ABI1: variants seen among roughly 807,000 people sequenced by gnomAD.
ABI1 encodes Abelson interactor 1.
ABI1 carries 14 observed loss-of-function variants against 54.6 expected under a neutral mutation model. That is an observed-to-expected ratio of 0.26 (90% CI 0.17 to 0.40). The LOEUF (loss-of-function observed/expected upper bound fraction) is 0.40. Among genes scored for constraint, ABI1 ranks in the 10% least tolerant of loss-of-function variants. The pLI is 1.00. For missense variants in ABI1, 443 were observed against 598.3 expected, an observed-to-expected ratio of 0.74 and a Z score of 2.71; for synonymous variants, 194 against 209.3, an observed-to-expected ratio of 0.93 and a Z score of 0.63.
At chr10:26,823,015 AAC>A (rs932675182) in intron 2 of ABI1, 121 bp downstream of exon 2, 3 of 852,820 alleles carry the variant, frequency 3.5e-6, no homozygotes, top group African/African-American at 3.6e-5. Context: ...ACCAAACTAA[AAC>A]AGTGTTAATG....
chr10:26,770,206 G>C, intron 5 of ABI1, 39 bp downstream of exon 5: 2 of 1,522,328 alleles, frequency 1.3e-6, no homozygotes, highest in South Asian at 2.2e-5. Flanking sequence ...TTTTCCTTTA[G>C]CATATGAATT....
chr10:26,808,418 G>A (rs958759745), intron 2 of ABI1, among the ~76,000 whole-genome samples: 1 of 152,132 alleles, frequency 6.6e-6, no homozygotes, highest in East Asian at 1.9e-4. Context: ...TCACTCAGGG[G>A]TGGGATGGCG....
At chr10:26,809,467 C>T (rs950822632) in intron 2 of ABI1, among the ~76,000 whole-genome samples, 1 of 151,776 alleles carries the variant, frequency 6.6e-6, no homozygotes, top group East Asian at 1.9e-4. Flanking sequence ...GCTGGGTGGG[C>T]GGATCCCTTG....
intron 1 of ABI1, among the ~76,000 whole-genome samples, chr10:26,846,674 C>T (rs946676551): frequency 6.6e-6 from 1 of 151,934 alleles, no homozygotes; most frequent in Non-Finnish European, 1.5e-5. Flanking sequence ...TTCTCATCAG[C>T]CTCAGACAAA....
chr10:26,774,335 T>C (rs978789502), intron 3 of ABI1, among the ~76,000 whole-genome samples: 2 of 152,194 alleles, frequency 1.3e-5, no homozygotes, highest in African/African-American at 4.8e-5. Context: ...GCCAACTACA[T>C]ATGAAAAGTC....
intron 10 of ABI1, among the ~76,000 whole-genome samples, chr10:26,750,526 T>C (rs961893549): frequency 6.6e-6 from 1 of 152,058 alleles, no homozygotes; most frequent in Non-Finnish European, 1.5e-5. Flanking sequence ...GAAAACAAAT[T>C]TACTTTTGCC....
intron 1 of ABI1, among the ~76,000 whole-genome samples, chr10:26,826,405 G>T (rs1461062727): frequency 6.6e-6 from 1 of 152,150 alleles, no homozygotes; most frequent in East Asian, 1.9e-4. Context: ...TGTCATCCAG[G>T]CTTGGTTGTT....
intron 2 of ABI1, among the ~76,000 whole-genome samples, chr10:26,786,789 G>A (rs530335761): frequency 3.3e-5 from 5 of 152,054 alleles, no homozygotes; most frequent in Admixed American, 6.5e-5. Flanking sequence ...ATGACCCCTC[G>A]GCAAACTCAT....
intron 1 of ABI1, among the ~76,000 whole-genome samples, chr10:26,827,591 T>C (rs553179728): frequency 1.6e-5 from 1 of 61,198 alleles, no homozygotes; most frequent in South Asian, 3.3e-4. Context: ...CACTTTCTGT[T>C]TTTTGTTTTT....
chr10:26,781,249 T>C (rs1421393478), intron 2 of ABI1, among the ~76,000 whole-genome samples: 1 of 152,210 alleles, frequency 6.6e-6, no homozygotes, highest in Non-Finnish European at 1.5e-5. Context: ...TCAAATGCAA[T>C]GACTAATAAG....
intron 7 of ABI1, 101 bp from the exon 8 acceptor site, chr10:26,759,339 T>A: frequency 2.1e-6 from 2 of 972,242 alleles, no homozygotes; most frequent in Non-Finnish European, 2.8e-6. Context: ...AAGAAATATT[T>A]ATTACTTTTT....
chr10:26,851,458 T>C (rs867128200), intron 1 of ABI1, among the ~76,000 whole-genome samples: 1 of 141,746 alleles, frequency 7.1e-6, no homozygotes, highest in Non-Finnish European at 1.5e-5. Context: ...CCCAAGTAAC[T>C]GGGATTACAG....
chr10:26,838,422 G>A (rs1306847581), intron 1 of ABI1, among the ~76,000 whole-genome samples: 1 of 152,168 alleles, frequency 6.6e-6, no homozygotes, highest in Non-Finnish European at 1.5e-5. Flanking sequence ...GGAAGGAGCA[G>A]AGGACAGGGT....
At chr10:26,823,334 T>G (rs1381755355) in intron 1 of ABI1, 29 bp from the exon 2 acceptor site, 4 of 1,446,924 alleles carry the variant, frequency 2.8e-6, no homozygotes, top group Non-Finnish European at 2.8e-6. Context: ...CAACAAATAC[T>G]TATTTAGATT....
intron 6 of ABI1, among the ~76,000 whole-genome samples, chr10:26,767,226 C>T (rs1840072328): frequency 6.6e-6 from 1 of 152,138 alleles, no homozygotes; most frequent in Non-Finnish European, 1.5e-5. Context: ...CAATTTTGTT[C>T]CTCAAAGAAC....
At chr10:26,760,888 C>CAAAA (rs57750390) in intron 7 of ABI1, among the ~76,000 whole-genome samples, 6 of 49,440 alleles carry the variant, frequency 1.2e-4, no homozygotes, top group East Asian at 6.6e-4. Flanking sequence ...GACTCCATCT[C>CAAAA]AAAAAAAAAA....
chr10:26,817,777 G>A (rs1588969269), intron 2 of ABI1, among the ~76,000 whole-genome samples: 4 of 152,078 alleles, frequency 2.6e-5, no homozygotes, highest in Non-Finnish European at 5.9e-5. Context: ...TACAAAAGCT[G>A]AAAGAACTCA....
intron 6 of ABI1, among the ~76,000 whole-genome samples, chr10:26,768,001 G>A (rs1177668897): frequency 2.0e-5 from 3 of 151,708 alleles, no homozygotes; most frequent in African/African-American, 7.3e-5. Context: ...AGCCGAGATC[G>A]CGTCACTGCA....
chr10:26,780,973 G>T (rs10764641), intron 2 of ABI1, among the ~76,000 whole-genome samples: 86,702 of 152,030 alleles, frequency 0.57, 26,762 homozygotes, highest in African/African-American at 0.82. Flanking sequence ...ATATTTTACA[G>T]GCCTGAACTG....
Sources: allele counts gnomAD v4.1 joint callset (sites outside exome capture counted in the v4.1 genomes callset), GRCh38; gene constraint gnomAD v4.1.1; transcripts MANE v1.5; gene names NCBI Gene and HGNC (gene_info 2026-07-23, HGNC 2026-07-21).